SNTG1: variants seen among roughly 807,000 people sequenced by gnomAD.
The protein encoded by SNTG1 is syntrophin gamma 1.
Under a neutral mutation model 74.7 loss-of-function variants are expected in SNTG1, and 39 were observed. The observed-to-expected ratio is 0.52, with a 90% CI of 0.40 to 0.68. The LOEUF is 0.68. Ranked by LOEUF, SNTG1 falls within the 30% of genes least tolerant of loss-of-function variation. The probability of loss-of-function intolerance (pLI) is 0.00; values close to 1 mark genes in which losing one functional copy is unlikely to be tolerated. For synonymous variants in SNTG1, 254 were observed against 217.1 expected (o/e 1.17, Z -1.49); for missense variants, 685 against 609.5 (o/e 1.12, Z -1.30).
intron 1 of SNTG1, among the ~76,000 whole-genome samples, chr8:50,137,210 GT>G (rs2081502636): frequency 6.6e-6 from 1 of 152,198 alleles, no homozygotes; most frequent in Non-Finnish European, 1.5e-5. Context: ...AGATTTGAAA[GT>G]GAGAAGATGA....
chr8:50,558,968 T>C (rs2094471979), intron 12 of SNTG1, among the ~76,000 whole-genome samples: 1 of 152,244 alleles, frequency 6.6e-6, no homozygotes, highest in Non-Finnish European at 1.5e-5. Context: ...TTGTTTGTTT[T>C]GTTTTCAACT....
chr8:50,632,671 A>G (rs935894544), intron 13 of SNTG1, among the ~76,000 whole-genome samples: 1 of 152,216 alleles, frequency 6.6e-6, no homozygotes, highest in African/African-American at 2.4e-5. Flanking sequence ...TACTATTATG[A>G]AATAATAAAT....
chr8:50,652,671 C>A (rs1042170834), intron 13 of SNTG1, among the ~76,000 whole-genome samples: 1 of 151,936 alleles, frequency 6.6e-6, no homozygotes, highest in African/African-American at 2.4e-5. Context: ...GTGGTGGGCA[C>A]CTTTAGTCCC....
At chr8:50,090,688 T>A (rs1402560205) in intron 1 of SNTG1, among the ~76,000 whole-genome samples, 2 of 152,092 alleles carry the variant, frequency 1.3e-5, no homozygotes, top group Non-Finnish European at 2.9e-5. Context: ...AAAACGAGTG[T>A]GTGATCCAAA....
chr8:50,033,983 T>A (rs1047769794), intron 1 of SNTG1, among the ~76,000 whole-genome samples: 2 of 152,220 alleles, frequency 1.3e-5, no homozygotes, highest in Admixed American at 6.5e-5. Flanking sequence ...CTTTTAGCAG[T>A]CACTCTTCTG....
At chr8:50,436,601 T>C (rs2093305995) in intron 4 of SNTG1, among the ~76,000 whole-genome samples, 1 of 152,174 alleles carries the variant, frequency 6.6e-6, no homozygotes, top group South Asian at 2.1e-4. Context: ...ATAAGTAATT[T>C]GCTGAATGGA....
At chr8:50,528,873 ATT>A (rs2094243506) in intron 9 of SNTG1, among the ~76,000 whole-genome samples, 1 of 148,042 alleles carries the variant, frequency 6.8e-6, no homozygotes, top group South Asian at 2.1e-4. Context: ...GCCTTAATTA[ATT>A]TTCTTTATTA....
At chr8:50,770,607 T>C (rs1043030098) in intron 18 of SNTG1, among the ~76,000 whole-genome samples, 1 of 152,014 alleles carries the variant, frequency 6.6e-6, no homozygotes, top group African/African-American at 2.4e-5. Flanking sequence ...GAGAAGTCAA[T>C]TTGCAGGCTG....
chr8:50,289,914 A>C (rs554271679), intron 2 of SNTG1, among the ~76,000 whole-genome samples: 87 of 152,284 alleles, frequency 5.7e-4, no homozygotes, highest in African/African-American at 2.0e-3. Flanking sequence ...ATGTACACAT[A>C]GTAGGCTTTG....
intron 9 of SNTG1, among the ~76,000 whole-genome samples, chr8:50,527,982 T>C (rs1563527333): frequency 6.6e-6 from 1 of 151,988 alleles, no homozygotes; most frequent in Non-Finnish European, 1.5e-5. Context: ...ACACATAAAA[T>C]ATAATTTAAT....
chr8:50,253,687 A>G (rs1220065380), intron 2 of SNTG1, among the ~76,000 whole-genome samples: 3 of 151,930 alleles, frequency 2.0e-5, no homozygotes, highest in Non-Finnish European at 4.4e-5. Context: ...ACACACACAC[A>G]TATATAAATA....
chr8:50,021,408 T>C (rs574963747), intron 1 of SNTG1, among the ~76,000 whole-genome samples: 1 of 152,288 alleles, frequency 6.6e-6, no homozygotes, highest in South Asian at 2.1e-4. Context: ...CTCCCACTAA[T>C]ACCATATATA....
At chr8:50,022,387 G>C (rs1816904830) in intron 1 of SNTG1, among the ~76,000 whole-genome samples, 1 of 152,208 alleles carries the variant, frequency 6.6e-6, no homozygotes, top group South Asian at 2.1e-4. Flanking sequence ...AGCTAGACTG[G>C]AGTCCGATGC....
intron 2 of SNTG1, among the ~76,000 whole-genome samples, chr8:50,272,931 A>G (rs2087864130): frequency 6.6e-6 from 1 of 151,216 alleles, no homozygotes; most frequent in Admixed American, 6.6e-5. Context: ...AATTCTAGAG[A>G]CAGAGTCTCG....
intron 18 of SNTG1, 135 bp from the exon 19 acceptor site, chr8:50,792,536 T>C (rs2095694017): frequency 2.2e-6 from 2 of 922,112 alleles, no homozygotes; most frequent in Non-Finnish European, 3.2e-6. Context: ...ATGTCTACAT[T>C]TGAAATTAGT....
intron 9 of SNTG1, among the ~76,000 whole-genome samples, chr8:50,512,709 G>A (rs973799638): frequency 1.3e-5 from 2 of 152,052 alleles, no homozygotes; most frequent in Non-Finnish European, 2.9e-5. Flanking sequence ...TGATCGAATT[G>A]GCTACTGAGG....
At chr8:50,408,765 C>G (rs964273624) in intron 4 of SNTG1, among the ~76,000 whole-genome samples, 1 of 152,184 alleles carries the variant, frequency 6.6e-6, no homozygotes, top group East Asian at 1.9e-4. Flanking sequence ...TAGCTCCTTG[C>G]TCTGAATTCC....
In SNTG1 at chr8:50,704,595, A is replaced by G. The variant is rs944255480; in HGVS notation, c.1039-5A>G. 3.7e-6 allele frequency: 6 copies of G among 1,614,042 alleles called. No individual in the cohort carries two copies. Among genetic ancestry groups the G allele is most frequent in the Middle Eastern group, 1.7e-4 (1 of 6,040 alleles). On this transcript the variant is annotated splice_region_variant and splice_polypyrimidine_tract_variant and intron_variant, in intron 15 of 18. Coordinates refer to ENST00000642720, the MANE Select transcript of SNTG1 (RefSeq NM_018967.5). Reference sequence around the variant, plus strand: ...CCAGCCTGTGTAACTCCAGGTTTTCACCAGGACAGTGACCTGCTGGACCGA... The same window carrying G: ...CCAGCCTGTGTAACTCCAGGTTTTCGCCAGGACAGTGACCTGCTGGACCGA...
chr8:50,355,622 C>T (rs775337285), intron 2 of SNTG1, among the ~76,000 whole-genome samples: 2 of 152,138 alleles, frequency 1.3e-5, no homozygotes, highest in Non-Finnish European at 2.9e-5. Context: ...TGCTCCAGAA[C>T]TTTGAAGATG....
Sources: allele counts gnomAD v4.1 joint callset (sites outside exome capture counted in the v4.1 genomes callset), GRCh38; gene constraint gnomAD v4.1.1; transcripts MANE v1.5; gene names NCBI Gene and HGNC (gene_info 2026-07-23, HGNC 2026-07-21).